The following RMDN1 variants were observed in gnomAD, a reference collection of about 807,000 sequenced individuals.
RMDN1 encodes regulator of microtubule dynamics 1, also known as regulator of microtubule dynamics protein 1.
In RMDN1, 48 loss-of-function variants were observed where a neutral mutation model predicts 48.9. The observed-to-expected ratio is 0.98, with a 90% CI of 0.78 to 1.25. The LOEUF (loss-of-function observed/expected upper bound fraction) is 1.25, where lower values mean the gene tolerates loss of function less well. RMDN1 is among the 50% of genes most tolerant of loss of function. The probability of loss-of-function intolerance (pLI) is 0.00; values close to 1 mark genes in which losing one functional copy is unlikely to be tolerated. For synonymous variants in RMDN1, 148 were observed against 132.6 expected (o/e 1.12, Z -0.80); for missense variants, 418 against 373.4 (o/e 1.12, Z -0.98).
Position 86,507,006 on chromosome 8 carries a change from G to T in RMDN1, c.236C>A (p.Ala79Asp). ...TAATTTATGCTTACCTTTGGCTGTGGCATGAACCACAGCAGCCTGAGAGAT... is the reference window on the plus strand; with the variant it reads ...TAATTTATGCTTACCTTTGGCTGTGTCATGAACCACAGCAGCCTGAGAGAT... ...QVISQAAVVHATAKVEEILEQ... is the reference protein window; with the variant it reads ...QVISQAAVVHDTAKVEEILEQ... The change falls in exon 2 of 10, where the codon GCC becomes GAC. Residue 79 changes from alanine to aspartate, a missense_variant. Ala to Asp is a moderately radical substitution (Grantham distance 126). Coordinates refer to ENST00000406452, the MANE Select transcript of RMDN1 (RefSeq NM_016033.3). 1 of 1,593,030 alleles carries T rather than the reference G, an allele frequency of 6.3e-7. No homozygotes were observed. Among genetic ancestry groups the T allele is most frequent in the Non-Finnish European group, 8.6e-7 (1 of 1,161,080 alleles).
chr8:86,503,908 T>G, intron 2 of RMDN1: 1 of 710,368 alleles, frequency 1.4e-6, no homozygotes, highest in Non-Finnish European at 2.6e-6. Context: ...TATGGGATTG[T>G]GTAAAGCAGC....
At chr8:86,477,548 G>T in intron 7 of RMDN1, 1 of 407,990 alleles carries the variant, frequency 2.5e-6, no homozygotes, top group Non-Finnish European at 4.4e-6. Flanking sequence ...TAATAACTTG[G>T]TTGCTGTTTA....
At chr8:86,503,371 C>CAAAAAAAAAAA (rs1182231210) in intron 2 of RMDN1, among the ~76,000 whole-genome samples, 7 of 68,014 alleles carry the variant, frequency 1.0e-4, no homozygotes, top group East Asian at 4.2e-4. Flanking sequence ...CAAAACAAAA[C>CAAAAAAAAAAA]AAAAAAAAAA....
chr8:86,470,415 G>A (rs1270137479), downstream of RMDN1: 16 of 1,277,482 alleles, frequency 1.3e-5, no homozygotes, highest in Non-Finnish European at 1.6e-5. Flanking sequence ...AGGCTCCTGG[G>A]AAGTCAAATG....
chr8:86,508,724 C>T, upstream of RMDN1: 1 of 1,413,100 alleles, frequency 7.1e-7, no homozygotes, highest in Non-Finnish European at 9.2e-7. Context: ...GCCCGCCCGC[C>T]TCCTGCACAG....
At chr8:86,491,237 C>T (rs918247431) in intron 2 of RMDN1, among the ~76,000 whole-genome samples, 5 of 152,124 alleles carry the variant, frequency 3.3e-5, no homozygotes, top group Middle Eastern at 3.4e-3. Flanking sequence ...CAAGTTCAAG[C>T]GATTCTCCTG....
chr8:86,503,385 A>AAAAAAAAAAAAAAAAAAAAACAAAAC (rs1554594088), intron 2 of RMDN1, among the ~76,000 whole-genome samples: 2 of 81,092 alleles, frequency 2.5e-5, no homozygotes, highest in African/African-American at 6.8e-5. Flanking sequence ...AAAAAAAAAA[A>AAAAAAAAAAAAAAAAAAAAACAAAAC]AAAACAAAAA....
intron 2 of RMDN1, among the ~76,000 whole-genome samples, chr8:86,498,050 C>T (rs1056409020): frequency 7.9e-5 from 12 of 152,102 alleles, no homozygotes; most frequent in East Asian, 1.9e-4. Flanking sequence ...GAGCCGAGAT[C>T]GTGCCATTGC....
Position 86,474,925 on chromosome 8 carries a change from T to C in RMDN1, c.789A>G (p.Leu263=), listed in dbSNP as rs745558591. ...TCAAGTATGTCTTTCCTAAAAGAAG[T>C]AAGTTTTTGCTGTAGAAGTTTGGAT... is the stretch of plus-strand genomic sequence containing the variant. ...QVDPNFYSKN[L]LLLGKTYLKL... The change falls in exon 9 of 10, where the codon TTA becomes TTG. Residue 263 remains leucine, a synonymous_variant. Transcript: ENST00000406452. 2 of 1,610,748 alleles carry C rather than the reference T, an allele frequency of 1.2e-6. No individual in the cohort carries two copies. The highest frequency in any genetic ancestry group is 2.2e-5 in the South Asian group (2 of 90,182).
intron 2 of RMDN1, among the ~76,000 whole-genome samples, chr8:86,498,258 T>A (rs1434065032): frequency 6.9e-6 from 1 of 144,962 alleles, no homozygotes; most frequent in Non-Finnish European, 1.5e-5. Context: ...GAATCAGTAG[T>A]AAAAAAAAAA....
At chr8:86,478,736 G>A in intron 7 of RMDN1, 187 bp downstream of exon 7, 1 of 568,862 alleles carries the variant, frequency 1.8e-6, no homozygotes. Context: ...TCACCTAACG[G>A]GGAAAAAGAA....
At chr8:86,483,168 CA>C (rs1307194514) in intron 5 of RMDN1, among the ~76,000 whole-genome samples, 1 of 152,108 alleles carries the variant, frequency 6.6e-6, no homozygotes, top group Non-Finnish European at 1.5e-5. Flanking sequence ...GAAATGTAAG[CA>C]GTATAAATGA....
intron 2 of RMDN1, among the ~76,000 whole-genome samples, chr8:86,495,986 G>A (rs1817275681): frequency 6.6e-6 from 1 of 152,080 alleles, no homozygotes; most frequent in Non-Finnish European, 1.5e-5. Context: ...GAAGAGACTA[G>A]GGGACTATAT....
At chr8:86,477,522 TATGGAC>T in intron 7 of RMDN1, 198 bp from the exon 8 acceptor site, 1 of 469,998 alleles carries the variant, frequency 2.1e-6, no homozygotes, top group Middle Eastern at 5.5e-4. Flanking sequence ...GATTACAATA[TATGGAC>T]TACTTCTGGT....
intron 2 of RMDN1, among the ~76,000 whole-genome samples, chr8:86,503,390 C>CAAAAAAAAAAAAAA (rs1405705068): frequency 1.8e-5 from 1 of 56,588 alleles, no homozygotes; most frequent in Non-Finnish European, 3.5e-5. Flanking sequence ...AAAAAAAAAA[C>CAAAAAAAAAAAAAA]AAAAAAAAAT....
rs556404632 is a variant in RMDN1 at position 86,475,598 on chromosome 8, T to C, written c.761-645A>G. Among the ~76,000 whole-genome samples, 6 of 152,026 alleles carry C rather than the reference T, an allele frequency of 3.9e-5. No individual in the cohort carries two copies. In the East Asian group the frequency reaches 1.2e-3, roughly 29 times the overall value. ...AAAAAAAGTGGAGAACATTCTTGGCTGAAAGAAAAGCATAAACAGAAAGCC... is the reference window on the plus strand; with the variant it reads ...AAAAAAAGTGGAGAACATTCTTGGCCGAAAGAAAAGCATAAACAGAAAGCC... On this transcript the variant is annotated intron_variant, in intron 8 of 9. Transcript: ENST00000406452.
intron 2 of RMDN1, chr8:86,504,270 G>T: frequency 6.4e-7 from 1 of 1,573,350 alleles, no homozygotes; most frequent in Non-Finnish European, 8.7e-7. Flanking sequence ...TCCAGCAGTT[G>T]TGGGGCACCC....
chr8:86,474,425 T>C (rs1465416995), intron 9 of RMDN1, 67 bp from the exon 10 acceptor site: 2 of 1,337,346 alleles, frequency 1.5e-6, no homozygotes, highest in African/African-American at 2.9e-5. Flanking sequence ...GAAATTTAAG[T>C]TTATAAAGTG....
intron 5 of RMDN1, among the ~76,000 whole-genome samples, chr8:86,484,051 G>A (rs901268593): frequency 5.3e-5 from 8 of 152,110 alleles, no homozygotes; most frequent in African/African-American, 1.7e-4. Flanking sequence ...ACTGGACCAC[G>A]CTTTCCATAT....
Sources: gnomAD v4.1 joint callset for allele counts (sites outside exome capture counted in the v4.1 genomes callset) on GRCh38, gnomAD v4.1.1 for gene constraint, MANE v1.5 for transcripts, NCBI Gene and HGNC (gene_info 2026-07-23, HGNC 2026-07-21) for gene names.